The following KATNAL1 variants were observed in gnomAD, a reference collection of about 807,000 sequenced individuals.
KATNAL1 encodes katanin p60 ATPase-containing subunit A-like 1.
Under a neutral mutation model 55.2 loss-of-function variants are expected in KATNAL1, and 32 were observed. The observed-to-expected ratio is 0.58, with a 90% CI of 0.44 to 0.78. The LOEUF (loss-of-function observed/expected upper bound fraction) is 0.78, where lower values mean the gene tolerates loss of function less well. Ranked by LOEUF, KATNAL1 falls within the 30% of genes least tolerant of loss-of-function variation. KATNAL1 has a pLI of 0.00. For synonymous variants in KATNAL1, 193 were observed against 193.6 expected (o/e 1.00, Z 0.02); for missense variants, 466 against 600.9 (o/e 0.78, Z 2.35).
chr13:30,259,544 G>A (rs1451352830), intron 3 of KATNAL1, among the ~76,000 whole-genome samples: 1 of 152,222 alleles, frequency 6.6e-6, no homozygotes, highest in East Asian at 1.9e-4. Context: ...GCAGGGCAAG[G>A]CATTGCCTCA....
intron 9 of KATNAL1, among the ~76,000 whole-genome samples, chr13:30,213,185 A>G (rs893349410): frequency 6.6e-6 from 1 of 152,150 alleles, no homozygotes; most frequent in Non-Finnish European, 1.5e-5. Context: ...GAAATGGATA[A>G]ATTCCTCGAC....
chr13:30,299,439 G>A lies in KATNAL1; in HGVS notation c.-15+7892C>T, dbSNP rs193190927. ...TTTTTACTCTACACTCAACATCAATGCAGATAACTGAAGCAGTTAATTTTT... is the reference window on the plus strand; with the variant it reads ...TTTTTACTCTACACTCAACATCAATACAGATAACTGAAGCAGTTAATTTTT... On this transcript the variant is annotated intron_variant, in intron 1 of 10. Transcript: ENST00000380615. Among the ~76,000 whole-genome samples, 8 of 151,976 alleles carry A rather than the reference G, an allele frequency of 5.3e-5. No homozygotes were observed. In the East Asian group the frequency reaches 1.5e-3, roughly 29 times the overall value.
At chr13:30,238,079 C>T (rs543337079) in intron 6 of KATNAL1, among the ~76,000 whole-genome samples, 2 of 152,292 alleles carry the variant, frequency 1.3e-5, no homozygotes, top group African/African-American at 4.8e-5. Flanking sequence ...CTCATTGCAA[C>T]CAGGTTGTTT....
intron 3 of KATNAL1, among the ~76,000 whole-genome samples, chr13:30,277,123 T>G (rs1157978668): frequency 6.6e-6 from 1 of 152,204 alleles, no homozygotes; most frequent in Non-Finnish European, 1.5e-5. Context: ...TCTGCAGAGT[T>G]ATTGAAATGT....
chr13:30,245,751 T>C lies in KATNAL1; in HGVS notation c.493-4665A>G, dbSNP rs369492416. 3.0e-3 allele frequency among the ~76,000 whole-genome samples: 459 copies of C among 152,110 alleles called. 1 individual carries two copies. The highest frequency in any genetic ancestry group is 0.015 in the Admixed American group (235 of 15,264). ...CGTGCAAAAATCACAAGCATTCCTATACAACAATAATAGAGAGCCAAATCA... is the reference window on the plus strand; with the variant it reads ...CGTGCAAAAATCACAAGCATTCCTACACAACAATAATAGAGAGCCAAATCA... On this transcript the variant is annotated intron_variant, in intron 4 of 10. Coordinates refer to ENST00000380615, the MANE Select transcript of KATNAL1 (RefSeq NM_032116.5).
intron 10 of KATNAL1, 124 bp downstream of exon 10, chr13:30,210,192 T>C: frequency 2.8e-6 from 2 of 712,730 alleles, no homozygotes; most frequent in South Asian, 4.7e-5. Flanking sequence ...TGGGAAACCA[T>C]TTTAAAGAAA....
In KATNAL1 at chr13:30,213,293, C is replaced by T. The variant is rs559427381; in HGVS notation, c.1148-2851G>A. Among the ~76,000 whole-genome samples the T allele has an allele frequency of 4.1e-4, 62 of 152,252 alleles. No homozygotes were observed. The South Asian group carries it at 4.1e-3, about 10-fold the overall frequency. ...GTGGCAATAATCAATAGCTTACCAA[C>T]CAAAAAGAGTCCAGGACCAGATGGA... On this transcript the variant is annotated intron_variant, in intron 9 of 10. Transcript: ENST00000380615.
rs148318208 is a variant in KATNAL1, at chr13:30,296,430, G to C, written c.-15+10901C>G. On this transcript the variant is annotated intron_variant, in intron 1 of 10. Transcript: ENST00000380615. ...ATTAACATCCCCCGGAAGGAGGGAG[G>C]CTTGGGCCCCCTGAACATCCCCCTG... 1.6e-4 allele frequency: 139 copies of C among 868,668 alleles called. No individual in the cohort carries two copies. The African/African-American group carries it at 2.1e-3, about 13-fold the overall frequency. 53.8% of individuals were successfully genotyped at this position (868,668 alleles called of 1,614,324 possible).
chr13:30,214,366 T>C (rs112920741), intron 9 of KATNAL1, among the ~76,000 whole-genome samples: 19,148 of 151,660 alleles, frequency 0.13, 1,554 homozygotes, highest in Admixed American at 0.23. Context: ...TTTATAGATT[T>C]AATGCCATCC....
chr13:30,296,960 C>T (rs1882544740), intron 1 of KATNAL1, among the ~76,000 whole-genome samples: 2 of 151,720 alleles, frequency 1.3e-5, no homozygotes, highest in African/African-American at 4.8e-5. Flanking sequence ...GCACACAGGC[C>T]TAGAGGTGAC....
chr13:30,209,945 C>A (rs956915700), intron 10 of KATNAL1, among the ~76,000 whole-genome samples: 2 of 152,134 alleles, frequency 1.3e-5, no homozygotes, highest in Non-Finnish European at 2.9e-5. Flanking sequence ...CCACACCTGG[C>A]TAATTTTTTG....
At chr13:30,245,091 G>C (rs1877655198) in intron 4 of KATNAL1, among the ~76,000 whole-genome samples, 1 of 151,360 alleles carries the variant, frequency 6.6e-6, no homozygotes. Flanking sequence ...ACCTGGCAGA[G>C]TCACAACAAA....
chr13:30,274,884 CACACATACGCGCGCGCGCGCGCG>C (rs1880644549), intron 3 of KATNAL1, among the ~76,000 whole-genome samples: 1 of 129,018 alleles, frequency 7.8e-6, no homozygotes, highest in Non-Finnish European at 1.6e-5. Context: ...GGTGTGTGCA[CACACATACGCGCGCGCGCGCGCG>C]CACACACACA....
chr13:30,301,758 G>A (rs1003778983), intron 1 of KATNAL1, among the ~76,000 whole-genome samples: 2 of 152,094 alleles, frequency 1.3e-5, no homozygotes, highest in Admixed American at 1.3e-4. Flanking sequence ...ATTTTGTTGT[G>A]GTTGCCTATA....
chr13:30,221,434 T>C (rs1390169259), intron 9 of KATNAL1, among the ~76,000 whole-genome samples: 1 of 152,184 alleles, frequency 6.6e-6, no homozygotes, highest in African/African-American at 2.4e-5. Context: ...ATCCCTACAA[T>C]GTAGCACATA....
Position 30,208,627 on chromosome 13 carries a change from T to G in KATNAL1, c.1386A>C (p.Glu462Asp), listed in dbSNP as rs1873370428. 1 of 1,613,796 alleles carries G rather than the reference T, an allele frequency of 6.2e-7. No homozygotes were observed. The highest frequency in any genetic ancestry group is 8.5e-7 in the Non-Finnish European group (1 of 1,179,914). The change falls in exon 11 of 11, where the codon GAA (glutamate) becomes GAC (aspartate). Residue 462 changes from glutamate to aspartate, a missense_variant. Around this residue, in one of 3 missense-constraint regions of KATNAL1, gnomAD observed 213 missense variants for 308.6 expected, o/e 0.69. Coordinates refer to ENST00000380615, the MANE Select transcript of KATNAL1 (RefSeq NM_032116.5). ...ACTTAGCAATTTTCTTTAGGGCCAA[T>G]TCAAAGTCTCCTTTGGTAACAGGCA... The part of the protein sequence containing the change: ...LQMPVTKGDF[E>D]LALKKIAKSV...
chr13:30,277,160 A>C (rs9508690), intron 3 of KATNAL1, among the ~76,000 whole-genome samples: 44,939 of 152,112 alleles, frequency 0.3, 6,988 homozygotes, highest in Admixed American at 0.42. Flanking sequence ...ATTATGAAGA[A>C]TCTGCAGGGA....
rs935247622 is a variant in KATNAL1, at chr13:30,256,669, G to A, written c.324-1054C>T. Among the ~76,000 whole-genome samples the A allele has an allele frequency of 4.6e-5, 7 of 151,370 alleles. No homozygotes were observed. In the South Asian group the frequency reaches 1.3e-3, roughly 27 times the overall value. ...AAATGGATAAAAAGCCATGAAGGTT[G>A]CAAACTAAGGGCCAAAACAGTAAGA... On this transcript the variant is annotated intron_variant, in intron 3 of 10. Coordinates refer to ENST00000380615, the MANE Select transcript of KATNAL1 (RefSeq NM_032116.5).
chr13:30,297,988 G>C (rs765386526), intron 1 of KATNAL1, among the ~76,000 whole-genome samples: 7 of 152,032 alleles, frequency 4.6e-5, no homozygotes, highest in Non-Finnish European at 8.8e-5. Context: ...TGTAACAAAC[G>C]TGCAGATGTA....
Sources: allele counts gnomAD v4.1 joint callset (sites outside exome capture counted in the v4.1 genomes callset), GRCh38; gene constraint gnomAD v4.1.1; regional missense constraint gnomAD v4.1.1; transcripts MANE v1.5; gene names NCBI Gene and HGNC (gene_info 2026-07-23, HGNC 2026-07-21).